Variants in DLGAP2 observed in about 807,000 individuals in gnomAD.
DLGAP2 encodes DLG associated protein 2.
A neutral mutation model predicts 100.3 loss-of-function variants in DLGAP2; 26 were observed. That is an observed-to-expected ratio of 0.26 (90% CI 0.19 to 0.36). The LOEUF is 0.36. Ranked by LOEUF, DLGAP2 falls within the 10% of genes least tolerant of loss-of-function variation. The pLI, the probability that DLGAP2 is intolerant of heterozygous loss-of-function variation, is 1.00. For missense variants in DLGAP2, 1,858 were observed against 1,453.2 expected, an observed-to-expected ratio of 1.28 and a Z score of -4.53; for synonymous variants, 886 against 630.1, an observed-to-expected ratio of 1.41 and a Z score of -6.08.
intron 2 of DLGAP2, among the ~76,000 whole-genome samples, chr8:921,316 AGT>A (rs1182880258): frequency 6.6e-6 from 1 of 151,906 alleles, no homozygotes; most frequent in African/African-American, 2.4e-5. Context: ...TGCAGTGTTG[AGT>A]GTGGATGCGT....
intron 3 of DLGAP2, among the ~76,000 whole-genome samples, chr8:1,451,657 C>T (rs529696856): frequency 1.3e-5 from 2 of 152,200 alleles, no homozygotes; most frequent in South Asian, 2.1e-4. Flanking sequence ...CTCCCCACAT[C>T]GAAAACTGAG....
chr8:1,562,707 G>T (rs1289116388), intron 5 of DLGAP2, among the ~76,000 whole-genome samples: 1 of 30,934 alleles, frequency 3.2e-5, no homozygotes. Flanking sequence ...GCTGTGTGGT[G>T]TTGGGGTGTC....
intron 3 of DLGAP2, among the ~76,000 whole-genome samples, chr8:1,360,906 C>G (rs929822600): frequency 1.3e-5 from 2 of 152,222 alleles, no homozygotes; most frequent in Non-Finnish European, 2.9e-5. Context: ...CACGTGAACA[C>G]GGTTTCTCGC....
chr8:1,274,661 G>A (rs1260134888), intron 3 of DLGAP2, among the ~76,000 whole-genome samples: 1 of 130,402 alleles, frequency 7.7e-6, no homozygotes, highest in African/African-American at 3.0e-5. Flanking sequence ...GAGTGACTTT[G>A]GATTTGTTTT....
At position 1,494,695 on chromosome 8, in the gene DLGAP2, T is replaced by C. The variant is rs1055417660; in HGVS notation, c.107-6671T>C. The stretch of plus-strand genomic sequence containing the variant: ...GTGAGCTGAGATTGTGCCATTGCAC[T>C]CCAGCCTGGGCAACAGACCCAGACT... On this transcript the variant is annotated intron_variant, in intron 3 of 14. Coordinates refer to ENST00000637795, the MANE Select transcript of DLGAP2 (RefSeq NM_001346810.2). 6.6e-5 allele frequency among the ~76,000 whole-genome samples: 10 copies of C among 151,780 alleles called. No homozygotes were observed. In the South Asian group the frequency reaches 8.4e-4, roughly 13 times the overall value.
At chr8:1,229,256 GTTC>G (rs1360404167) in intron 2 of DLGAP2, among the ~76,000 whole-genome samples, 3 of 151,684 alleles carry the variant, frequency 2.0e-5, no homozygotes, top group African/African-American at 7.3e-5. Flanking sequence ...AGAAAGAGGA[GTTC>G]TTCTACCTTG....
At chr8:1,166,665 T>G (rs1337608144) in intron 2 of DLGAP2, among the ~76,000 whole-genome samples, 2 of 152,172 alleles carry the variant, frequency 1.3e-5, no homozygotes, top group Non-Finnish European at 2.9e-5. Context: ...CGTCTCTGTT[T>G]CCAAACTTGT....
intron 1 of DLGAP2, among the ~76,000 whole-genome samples, chr8:893,917 T>G (rs571787852): frequency 6.6e-6 from 1 of 152,342 alleles, no homozygotes; most frequent in East Asian, 1.9e-4. Context: ...TGGTTACTGT[T>G]GAAGCATTGG....
Position 1,411,581 on chromosome 8 carries a change from G to A in DLGAP2, c.107-89785G>A, listed in dbSNP as rs78000854. Reference sequence around the variant, plus strand: ...AGATTAAACGAGGTAACCGAAATGCGGAACCTGCAGGTGGTAGACTTGAGG... The same window carrying A: ...AGATTAAACGAGGTAACCGAAATGCAGAACCTGCAGGTGGTAGACTTGAGG... On this transcript the variant is annotated intron_variant, in intron 3 of 14. Coordinates refer to ENST00000637795, the MANE Select transcript of DLGAP2 (RefSeq NM_001346810.2). Among the ~76,000 whole-genome samples the A allele has an allele frequency of 3.6e-3, 542 of 152,274 alleles. 11 individuals are homozygous for A. In the East Asian group the frequency reaches 0.048, roughly 13 times the overall value.
intron 3 of DLGAP2, among the ~76,000 whole-genome samples, chr8:1,263,505 A>T (rs537203021): frequency 2.6e-5 from 4 of 152,202 alleles, no homozygotes; most frequent in Non-Finnish European, 5.9e-5. Context: ...TTCATAACTC[A>T]TAATCAAGAT....
rs932327931 is a variant in DLGAP2, at chr8:803,148, T to A, written c.18+65323T>A. Among the ~76,000 whole-genome samples the A allele has an allele frequency of 2.2e-4, 33 of 152,090 alleles. 1 individual carries two copies. Among genetic ancestry groups the A allele is most frequent in the African/African-American group, 7.2e-4 (30 of 41,492 alleles). On this transcript the variant is annotated intron_variant, in intron 1 of 14. Coordinates refer to ENST00000637795, the MANE Select transcript of DLGAP2 (RefSeq NM_001346810.2). ...TGGCTTTATGGCTGGGGTGCATTTG[T>A]GTGTCTAGACTTTGGGCCTGGGTTC... is the stretch of plus-strand genomic sequence containing the variant.
intron 3 of DLGAP2, chr8:1,381,372 G>A (rs994074276): frequency 6.6e-6 from 1 of 152,204 alleles, no homozygotes; most frequent in African/African-American, 2.4e-5. Context: ...AAACATTTCT[G>A]TGGGCCAGTT....
chr8:1,314,583 C>G (rs927831235), intron 3 of DLGAP2, among the ~76,000 whole-genome samples: 1 of 152,216 alleles, frequency 6.6e-6, no homozygotes, highest in Non-Finnish European at 1.5e-5. Flanking sequence ...ACTCCTGTGT[C>G]ACCGCCTCTC....
chr8:1,026,293 C>G (rs1181012418), intron 2 of DLGAP2, among the ~76,000 whole-genome samples: 1 of 152,198 alleles, frequency 6.6e-6, no homozygotes, highest in Non-Finnish European at 1.5e-5. Context: ...CCCCATGACC[C>G]CAACGCTTTG....
At chr8:887,241 C>T (rs1270269412) in intron 1 of DLGAP2, among the ~76,000 whole-genome samples, 3 of 151,914 alleles carry the variant, frequency 2.0e-5, no homozygotes, top group Non-Finnish European at 4.4e-5. Flanking sequence ...TTCCTCCATC[C>T]CTTTATTTTG....
intron 2 of DLGAP2, chr8:927,044 G>C (rs1420277298): frequency 3.0e-6 from 3 of 985,314 alleles, no homozygotes; most frequent in South Asian, 4.7e-5. Context: ...GGGACTGGAG[G>C]CCTGGAGGAG....
intron 2 of DLGAP2, among the ~76,000 whole-genome samples, chr8:1,162,443 C>G (rs1054711014): frequency 2.6e-5 from 4 of 152,188 alleles, no homozygotes; most frequent in East Asian, 1.9e-4. Context: ...CAGTCTGTTT[C>G]TACTCGTGGA....
At chr8:1,217,922 T>G (rs1402789214) in intron 2 of DLGAP2, among the ~76,000 whole-genome samples, 1 of 152,184 alleles carries the variant, frequency 6.6e-6, no homozygotes, top group African/African-American at 2.4e-5. Context: ...GAAGTGTCCA[T>G]GTCCTTTGCC....
At chr8:1,509,461 C>T (rs902570035) in intron 4 of DLGAP2, among the ~76,000 whole-genome samples, 9 of 151,876 alleles carry the variant, frequency 5.9e-5, no homozygotes, top group Non-Finnish European at 1.2e-4. Context: ...GTAAAATATA[C>T]GTCTTATTGT....
Sources: gnomAD v4.1 joint callset for allele counts (sites outside exome capture counted in the v4.1 genomes callset) on GRCh38, gnomAD v4.1.1 for gene constraint, MANE v1.5 for transcripts, NCBI Gene and HGNC (gene_info 2026-07-23, HGNC 2026-07-21) for gene names.